The following MCU variants were observed in gnomAD, a reference collection of about 807,000 sequenced individuals.
MCU encodes the protein mitochondrial calcium uniporter.
A neutral mutation model predicts 45.2 loss-of-function variants in MCU; 12 were observed. That is an observed-to-expected ratio of 0.27 (90% CI 0.17 to 0.43). The LOEUF is 0.43. MCU is among the 20% of genes least tolerant of loss of function. The pLI, the probability that MCU is intolerant of heterozygous loss-of-function variation, is 1.00. For synonymous variants in MCU, 160 were observed against 165.1 expected, an observed-to-expected ratio of 0.97 and a Z score of 0.24; for missense variants, 324 against 436.7, an observed-to-expected ratio of 0.74 and a Z score of 2.30.
At chr10:72,715,126 T>G in intron 1 of MCU, 2 of 979,540 alleles carry the variant, frequency 2.0e-6, no homozygotes, top group South Asian at 9.5e-5. Flanking sequence ...TCACTACCAT[T>G]CCTACAGTGA....
intron 2 of MCU, among the ~76,000 whole-genome samples, chr10:72,841,306 A>T (rs1845043676): frequency 6.6e-6 from 1 of 152,114 alleles, no homozygotes; most frequent in Non-Finnish European, 1.5e-5. Flanking sequence ...CCAGAAAAAA[A>T]AAATTTTTTT....
intron 1 of MCU, among the ~76,000 whole-genome samples, chr10:72,821,839 A>T (rs2121097): frequency 0.66 from 100,485 of 152,028 alleles, 35,096 homozygotes; most frequent in African/African-American, 0.82. Context: ...ATTTTCCAAC[A>T]GACCACAGTT....
chr10:72,787,146 A>T (rs969782282), intron 1 of MCU, among the ~76,000 whole-genome samples: 4 of 152,230 alleles, frequency 2.6e-5, no homozygotes, highest in African/African-American at 7.2e-5. Context: ...ACAAAATAAC[A>T]TGTCCTTCTA....
chr10:72,723,837 GATAGA>G (rs1466450966), intron 1 of MCU, among the ~76,000 whole-genome samples: 1 of 152,198 alleles, frequency 6.6e-6, no homozygotes, highest in Non-Finnish European at 1.5e-5. Flanking sequence ...TTGCTCTGCA[GATAGA>G]ATAGGTTACC....
chr10:72,871,886 A>G (rs1564580572), intron 6 of MCU, among the ~76,000 whole-genome samples: 1 of 152,256 alleles, frequency 6.6e-6, no homozygotes, highest in East Asian at 1.9e-4. Context: ...GAGCAGAATG[A>G]TCAGCTGTAG....
At position 72,749,195 on chromosome 10, in the gene MCU, G is replaced by A. The variant is rs574983723; in HGVS notation, c.150+56894G>A. Among the ~76,000 whole-genome samples the A allele has an allele frequency of 2.0e-5, 3 of 152,192 alleles. No homozygotes were observed. In the South Asian group the frequency reaches 6.2e-4, roughly 32 times the overall value. On this transcript the variant is annotated intron_variant, in intron 1 of 7. Transcript: ENST00000373053. ...AGCTACTTGGGAGACTGAGGTGGGA[G>A]GATTGCTTGAGCCCTGGAGGACAAG...
chr10:72,860,905 A>G (rs1390386567), intron 4 of MCU, among the ~76,000 whole-genome samples: 1 of 152,198 alleles, frequency 6.6e-6, no homozygotes, highest in Non-Finnish European at 1.5e-5. Context: ...TGTTCTCTTA[A>G]GCATTGTAAT....
At chr10:72,703,862 G>A (rs1346429431) in intron 1 of MCU, among the ~76,000 whole-genome samples, 1 of 151,814 alleles carries the variant, frequency 6.6e-6, no homozygotes, top group African/African-American at 2.4e-5. Flanking sequence ...CTGCATTCCA[G>A]TCTGGGCGAC....
At chr10:72,805,101 C>CCCTTTCTT (rs1554824916) in intron 1 of MCU, among the ~76,000 whole-genome samples, 3 of 103,398 alleles carry the variant, frequency 2.9e-5, no homozygotes, top group African/African-American at 8.6e-5. Context: ...TTCTTTCTTT[C>CCCTTTCTT]TCTTTCTTTC....
At chr10:72,813,897 A>G (rs560875542) in intron 1 of MCU, among the ~76,000 whole-genome samples, 30 of 152,172 alleles carry the variant, frequency 2.0e-4, no homozygotes, top group Admixed American at 3.3e-4. Context: ...TATTTAGTCT[A>G]TGTTCTTCAG....
chr10:72,802,690 C>T (rs1844361558), intron 1 of MCU, among the ~76,000 whole-genome samples: 1 of 152,158 alleles, frequency 6.6e-6, no homozygotes, highest in Non-Finnish European at 1.5e-5. Flanking sequence ...GCAAATAGAA[C>T]ACTATTCCTT....
At chr10:72,862,458 G>C (rs1020003915) in intron 4 of MCU, among the ~76,000 whole-genome samples, 1 of 152,292 alleles carries the variant, frequency 6.6e-6, no homozygotes, top group South Asian at 2.1e-4. Context: ...TGACAGTGGG[G>C]GCGGGGGCAG....
intron 1 of MCU, among the ~76,000 whole-genome samples, chr10:72,766,282 T>C (rs1174012354): frequency 2.0e-5 from 3 of 152,230 alleles, no homozygotes; most frequent in Non-Finnish European, 2.9e-5. Flanking sequence ...AGTATAAGTA[T>C]GACAAGACTA....
chr10:72,863,997 T>A (rs1845417508), intron 4 of MCU, among the ~76,000 whole-genome samples: 1 of 152,152 alleles, frequency 6.6e-6, no homozygotes, highest in Admixed American at 6.6e-5. Context: ...TGCACACACT[T>A]ACAGACCATG....
chr10:72,706,593 A>G (rs2132655302), intron 1 of MCU, among the ~76,000 whole-genome samples: 1 of 149,822 alleles, frequency 6.7e-6, no homozygotes, highest in African/African-American at 2.5e-5. Flanking sequence ...GCTGGAGTGC[A>G]GTGGCGTGAT....
At chr10:72,757,414 C>G (rs915826095) in intron 1 of MCU, among the ~76,000 whole-genome samples, 8 of 152,178 alleles carry the variant, frequency 5.3e-5, no homozygotes, top group African/African-American at 1.7e-4. Flanking sequence ...TCTCCTTCTT[C>G]CTCCTACTTC....
chr10:72,829,055 T>A (rs1368047139), intron 1 of MCU, among the ~76,000 whole-genome samples: 1 of 152,208 alleles, frequency 6.6e-6, no homozygotes, highest in East Asian at 1.9e-4. Context: ...GCGCCTTGGC[T>A]AATGCCTGTG....
chr10:72,775,744 T>A (rs1046071826), intron 1 of MCU, among the ~76,000 whole-genome samples: 2 of 152,138 alleles, frequency 1.3e-5, no homozygotes, highest in African/African-American at 4.8e-5. Context: ...TGAAGAACTA[T>A]ACACCACCAA....
intron 1 of MCU, among the ~76,000 whole-genome samples, chr10:72,765,086 T>TCAA (rs1012811009): frequency 8.1e-6 from 1 of 123,512 alleles, no homozygotes; most frequent in African/African-American, 3.0e-5. Flanking sequence ...CCCCATCTCT[T>TCAA]AAAAAAAAAA....
Sources: gnomAD v4.1 joint callset for allele counts (sites outside exome capture counted in the v4.1 genomes callset) on GRCh38, gnomAD v4.1.1 for gene constraint, MANE v1.5 for transcripts, NCBI Gene and HGNC (gene_info 2026-07-23, HGNC 2026-07-21) for gene names.